CLCN7: variants seen among roughly 807,000 people sequenced by gnomAD.
The protein encoded by CLCN7 is H(+)/Cl(-) exchange transporter 7.
Under a neutral mutation model 102.1 loss-of-function variants are expected in CLCN7, and 60 were observed. That is an observed-to-expected ratio of 0.59 (90% confidence interval 0.48 to 0.73). The LOEUF (loss-of-function observed/expected upper bound fraction) is 0.73. Among genes scored for constraint, CLCN7 ranks in the 30% least tolerant of loss-of-function variants. The pLI is 0.00. For missense variants in CLCN7, 962 were observed against 1,125.7 expected (o/e 0.85, Z 2.08); for synonymous variants, 560 against 490.5 (o/e 1.14, Z -1.87).
At position 1,445,928 on chromosome 16, in the gene CLCN7, C is replaced by A. The variant is rs1344112791; in HGVS notation, c.*703G>T. The A allele has an allele frequency of 3.6e-5, 9 of 250,412 alleles. No homozygotes were observed. The highest frequency in any genetic ancestry group is 1.5e-5 in the Non-Finnish European group (2 of 130,842). 15.5% of individuals were successfully genotyped at this position (250,412 alleles called of 1,614,324 possible). On this transcript the variant is annotated 3_prime_UTR_variant, in exon 25 of 25. Transcript: ENST00000382745. ...GACCAAGGCAGGGCTGGGCATGGGG[C>A]TCAGGGCCTTGGAGGTTTTTCTCAG...
Position 1,474,932 on chromosome 16 carries a change from G to C in CLCN7, c.43C>G (p.Arg15Gly). 3 of 1,480,880 alleles carry C rather than the reference G, an allele frequency of 2.0e-6. No homozygotes were observed. The highest frequency in any genetic ancestry group is 2.9e-5 in the East Asian group (1 of 34,084). The allele number at this position is 1,480,880 out of a possible 1,614,324, so 91.7% of individuals were successfully genotyped here. A position where few individuals can be genotyped will look rare whatever the true frequency, so the allele number is the denominator to read the frequency against. Residue 15 changes from arginine (R) to glycine (G), a missense_variant, in exon 1 of 25, where the codon CGG (arginine) becomes GGG (glycine). Physicochemically the swap from Arg to Gly is moderately radical, Grantham distance 125. Transcript: ENST00000382745. The stretch of plus-strand genomic sequence containing the variant: ...AGCGGCGCCGCCTCCTCGTCGTCCC[G>C]GTCCCGGCCGGACCAGGACACCTTC... ...SKKVSWSGRDRDDEEAAPLLR... is the reference protein window; with the variant it reads ...SKKVSWSGRDGDDEEAAPLLR...
Position 1,455,494 on chromosome 16 carries a change from C to T in CLCN7, c.981+237G>A, listed in dbSNP as rs73492059. 851 of 653,238 alleles carry T rather than the reference C, an allele frequency of 1.3e-3. 6 individuals are homozygous for T. In the African/African-American group the frequency reaches 0.013, roughly 10 times the overall value. 40.5% of individuals were successfully genotyped at this position (653,238 alleles called of 1,614,324 possible). Reference sequence around the variant, plus strand: ...GGAAGGTGGGGCAGGGCTGGGTTCCCGGCTGTTTGATCCCCTACCCGGGAG... The same window carrying T: ...GGAAGGTGGGGCAGGGCTGGGTTCCTGGCTGTTTGATCCCCTACCCGGGAG... On this transcript the variant is annotated intron_variant, in intron 11 of 24. Coordinates refer to ENST00000382745, the MANE Select transcript of CLCN7 (RefSeq NM_001287.6).
intron 2 of CLCN7, among the ~76,000 whole-genome samples, chr16:1,463,254 G>A (rs757629281): frequency 3.9e-5 from 6 of 152,158 alleles, no homozygotes; most frequent in East Asian, 3.8e-4. Flanking sequence ...CGGGTCAGTC[G>A]TCATACTCTT....
intron 21 of CLCN7, among the ~76,000 whole-genome samples, chr16:1,448,057 C>T (rs945422901): frequency 1.3e-5 from 2 of 152,350 alleles, no homozygotes; most frequent in Admixed American, 6.5e-5. Flanking sequence ...AGACACACAG[C>T]AGTGGCCGAG....
intron 10 of CLCN7, 22 bp from the exon 11 acceptor site, chr16:1,455,817 C>G: frequency 1.9e-6 from 3 of 1,612,044 alleles, no homozygotes; most frequent in Non-Finnish European, 2.5e-6. Context: ...GCGGCCGGCT[C>G]GGGTGCCAGC....
At position 1,450,294 on chromosome 16, in the gene CLCN7, G is replaced by T. The variant is rs536246515; in HGVS notation, c.1617+203C>A. 3 of 551,012 alleles carry T rather than the reference G, an allele frequency of 5.4e-6. No individual in the cohort carries two copies. In the Admixed American group the frequency reaches 8.1e-5, roughly 15 times the overall value. 34.1% of individuals were successfully genotyped at this position (551,012 alleles called of 1,614,324 possible). A position where few individuals can be genotyped will look rare whatever the true frequency, so the allele number is the denominator to read the frequency against. Reference sequence around the variant, plus strand: ...TCGCCTGGTCCAGACTCCACACATGGGCTGCGCTGCCACAGTACACGCTGC... The same window carrying T: ...TCGCCTGGTCCAGACTCCACACATGTGCTGCGCTGCCACAGTACACGCTGC... On this transcript the variant is annotated intron_variant, in intron 17 of 24. Transcript: ENST00000382745.
chr16:1,466,023 T>C (rs2039000183), intron 1 of CLCN7, among the ~76,000 whole-genome samples: 1 of 152,228 alleles, frequency 6.6e-6, no homozygotes, highest in Non-Finnish European at 1.5e-5. Flanking sequence ...CTCAGCCTCC[T>C]TTCCCCAAAG....
Position 1,454,429 on chromosome 16 carries a change from T to C in CLCN7, c.1135A>G (p.Ile379Val), listed in dbSNP as rs768971657. The part of the protein sequence containing the change: ...AYTIHEIPVF[I>V]AMGVVGGVLG... ...CCCTTACCCACCACGCCCATGGCGATGAAGACCGGGATCTCGTGGATCGTG... is the reference window on the plus strand; with the variant it reads ...CCCTTACCCACCACGCCCATGGCGACGAAGACCGGGATCTCGTGGATCGTG... Residue 379 changes from isoleucine to valine, a missense_variant, in exon 13 of 25, where the codon ATC becomes GTC. Coordinates refer to ENST00000382745, the MANE Select transcript of CLCN7 (RefSeq NM_001287.6). 1.5e-5 allele frequency: 25 copies of C among 1,613,532 alleles called. No homozygotes were observed. Among genetic ancestry groups the C allele is most frequent in the Middle Eastern group, 3.3e-4 (2 of 6,074 alleles).
Position 1,445,892 on chromosome 16 carries a change from G to T in CLCN7, c.*739C>A. 4.7e-6 allele frequency: 1 copy of T among 212,132 alleles called. No homozygotes were observed. Among genetic ancestry groups the T allele is most frequent in the Non-Finnish European group, 9.4e-6 (1 of 106,626 alleles). The allele number at this position is 212,132 out of a possible 1,614,324, so 13.1% of individuals were successfully genotyped here. A position where few individuals can be genotyped will look rare whatever the true frequency, so the allele number is the denominator to read the frequency against. On this transcript the variant is annotated 3_prime_UTR_variant, in exon 25 of 25. Transcript: ENST00000382745. ...GTGTGGGGCCCAGACTCCAAGCTCT[G>T]GGGGTTGGGGGACCAAGGCAGGGCT...
chr16:1,460,574 C>T (rs1378131773), intron 5 of CLCN7, 47 bp from the exon 6 acceptor site: 3 of 1,462,876 alleles, frequency 2.1e-6, no homozygotes, highest in African/African-American at 1.4e-5. Flanking sequence ...CATGACCACC[C>T]AGCCCAGACC....
In CLCN7 at chr16:1,455,980, C is replaced by T. The variant is rs1010447387; in HGVS notation, c.916+133G>A. On this transcript the variant is annotated intron_variant, in intron 10 of 24. Coordinates refer to ENST00000382745, the MANE Select transcript of CLCN7 (RefSeq NM_001287.6). ...GGCTGGACCCAAGTACACTGCCGGC[C>T]GCTTCCAAATGCCCCGGCCGTGACT... 6.6e-5 allele frequency: 66 copies of T among 997,416 alleles called. No individual in the cohort carries two copies. The Middle Eastern group carries it at 9.3e-4, about 14-fold the overall frequency. The allele number at this position is 997,416 out of a possible 1,614,324, so 61.8% of individuals were successfully genotyped here.
At chr16:1,474,747 C>G in intron 1 of CLCN7, 87 bp downstream of exon 1, 2 of 1,128,330 alleles carry the variant, frequency 1.8e-6, no homozygotes. Flanking sequence ...GACCGAGACA[C>G]GCGGCGCCGC....
chr16:1,467,371 G>A (rs2039019183), intron 1 of CLCN7, among the ~76,000 whole-genome samples: 1 of 152,172 alleles, frequency 6.6e-6, no homozygotes, highest in Admixed American at 6.5e-5. Flanking sequence ...TGAGCCCTCA[G>A]TCACAGGCGA....
In CLCN7 at chr16:1,446,348, T is replaced by TCA. The variant is rs367705655; in HGVS notation, c.*281_*282dup. ...AGAGGCCGATAGCCCGGTAGGGAGG[T>TCA]CACACACACACAGCTGATCCCTGGA... On this transcript the variant is annotated 3_prime_UTR_variant, in exon 25 of 25. Coordinates refer to ENST00000382745, the MANE Select transcript of CLCN7 (RefSeq NM_001287.6). The TCA allele has an allele frequency of 1.4e-5, 10 of 701,388 alleles. No homozygotes were observed. Among genetic ancestry groups the TCA allele is most frequent in the South Asian group, 1.2e-4 (8 of 67,538 alleles). The allele number at this position is 701,388 out of a possible 1,614,324, so 43.4% of individuals were successfully genotyped here.
rs1320953257 is a variant in CLCN7, at chr16:1,460,539, C to G, written c.485-12G>C. ...GAACTTGTCGATATCTGGGGCTCAT[C>G]AAGGAGGGCTGGCTGCTTCCCCGTC... On this transcript the variant is annotated splice_polypyrimidine_tract_variant and intron_variant, in intron 5 of 24. Transcript: ENST00000382745. 2 of 1,599,580 alleles carry G rather than the reference C, an allele frequency of 1.3e-6. No homozygotes were observed. Among genetic ancestry groups the G allele is most frequent in the East Asian group, 2.2e-5 (1 of 44,772 alleles).
chr16:1,455,028 A>G, intron 12 of CLCN7, 106 bp downstream of exon 12: 1 of 777,508 alleles, frequency 1.3e-6, no homozygotes, highest in Non-Finnish European at 2.3e-6. Flanking sequence ...CTCCACAGCT[A>G]TCAACCAGAG....
chr16:1,465,376 T>C, intron 1 of CLCN7, 38 bp from the exon 2 acceptor site: 1 of 1,562,268 alleles, frequency 6.4e-7, no homozygotes, highest in Non-Finnish European at 8.8e-7. Context: ...CGCTCAGGCG[T>C]CGCACGCTCT....
Position 1,456,195 on chromosome 16 carries a change from G to A in CLCN7, c.834C>T (p.Tyr278=), listed in dbSNP as rs762061326. ...CCCGCTTCTCTGTGTCTCTGCGGAA[G>A]TACTCGAAGATCTGCAACAGGGACA... ...SLKRDFKIFE[Y]FRRDTEKRDF... Residue 278 remains tyrosine, a synonymous_variant, in exon 10 of 25, where the codon TAC becomes TAT. Transcript: ENST00000382745. 2.6e-6 allele frequency: 4 copies of A among 1,565,786 alleles called. No individual in the cohort carries two copies. In the South Asian group the frequency reaches 4.7e-5, roughly 18 times the overall value.
intron 1 of CLCN7, among the ~76,000 whole-genome samples, chr16:1,471,385 T>C (rs2142405003): frequency 6.6e-6 from 1 of 152,318 alleles, no homozygotes; most frequent in South Asian, 2.1e-4. Context: ...GTTGATATTT[T>C]AGCTCAAAAC....
Sources: gnomAD v4.1 joint callset for allele counts (sites outside exome capture counted in the v4.1 genomes callset) on GRCh38, gnomAD v4.1.1 for gene constraint, MANE v1.5 for transcripts, NCBI Gene and HGNC (gene_info 2026-07-23, HGNC 2026-07-21) for gene names.